MAGEA11: variants seen among roughly 807,000 people sequenced by gnomAD.
MAGEA11 encodes the protein MAGE family member A11, also known as melanoma-associated antigen 11.
A neutral mutation model predicts 8.4 loss-of-function variants in MAGEA11; 1 was observed. The observed-to-expected ratio is 0.12, with a 90% CI of 0.04 to 0.57. The LOEUF is 0.57. Among genes scored for constraint, MAGEA11 ranks in the 20% least tolerant of loss-of-function variants. The pLI is 0.91. For missense variants in MAGEA11, 209 were observed against 317.3 expected (o/e 0.66, Z 2.59); for synonymous variants, 127 against 119.3 (o/e 1.06, Z -0.42).
intron 1 of MAGEA11, among the ~76,000 whole-genome samples, chrX:149,691,528 T>A (rs1602918403): frequency 8.9e-6 from 1 of 111,991 alleles, no homozygotes; most frequent in Non-Finnish European, 1.9e-5. Flanking sequence ...TTTTTTCAAG[T>A]CTTGCTCTTT....
chrX:149,705,283 TG>T (rs1364859396), intron 1 of MAGEA11, among the ~76,000 whole-genome samples: 7 of 111,682 alleles, frequency 6.3e-5, no homozygotes, highest in African/African-American at 2.3e-4. Context: ...AATTGAATCA[TG>T]GGGGCAGTTA....
upstream of MAGEA11, among the ~76,000 whole-genome samples, chrX:149,711,607 A>G (rs1557361889): frequency 5.4e-5 from 6 of 111,819 alleles, no homozygotes; most frequent in East Asian, 1.1e-3. Flanking sequence ...TGAAAGAACC[A>G]GTAGCCAAGA....
At chrX:149,697,851 C>T (rs1292166384) in intron 1 of MAGEA11, among the ~76,000 whole-genome samples, 1 of 111,654 alleles carries the variant, frequency 9.0e-6, no homozygotes, top group Non-Finnish European at 1.9e-5. Flanking sequence ...ATGCTGTTCT[C>T]ATGATACTGA....
In MAGEA11 at chrX:149,706,207, C is replaced by A. The variant is rs782227858; in HGVS notation, c.10-8274C>A. On this transcript the variant is annotated intron_variant, in intron 1 of 3. Coordinates refer to the MAGEA11 transcript ENST00000333104. ...CCCTTTGGTAACAAGAAAGCCTTAC[C>A]CTTCCTGGCTCCTTTCCAAATCCTA... Among the ~76,000 whole-genome samples, 3 of 111,992 alleles carry A rather than the reference C, an allele frequency of 2.7e-5. No individual in the cohort carries two copies. The South Asian group carries it at 1.1e-3, about 42-fold the overall frequency.
intron 1 of MAGEA11, among the ~76,000 whole-genome samples, chrX:149,695,861 T>C (rs1557360501): frequency 8.9e-6 from 1 of 111,912 alleles, no homozygotes; most frequent in Admixed American, 9.4e-5. Context: ...TGTGGTATGA[T>C]TTTGTTGGCG....
In MAGEA11 at chrX:149,715,899, C is replaced by T; in HGVS notation, c.413C>T (p.Ala138Val). Residue 138 changes from alanine (A) to valine (V), a missense_variant, in exon 5 of 5, where the codon GCA (alanine) becomes GTA (valine). Ala to Val is a moderately conservative substitution (Grantham distance 64, BLOSUM62 0). This residue lies in a region of MAGEA11 where 131 missense variants were observed against 138.5 expected (regional missense o/e 0.95). Transcript: ENST00000355220. Reference protein sequence around the residue: ...AQEEDLGLVGAQALQAEEQEA... With the variant: ...AQEEDLGLVGVQALQAEEQEA... ...GAAGAAGACCTGGGCCTGGTGGGTG[C>T]ACAGGCTCTCCAAGCTGAGGAGCAG... is the stretch of plus-strand genomic sequence containing the variant. The T allele has an allele frequency of 1.7e-6, 2 of 1,211,543 alleles. No homozygotes were observed. Among genetic ancestry groups the T allele is most frequent in the South Asian group, 3.5e-5 (2 of 56,968 alleles).
At chrX:149,700,219 T>G (rs782219242) in intron 1 of MAGEA11, among the ~76,000 whole-genome samples, 2 of 112,292 alleles carry the variant, frequency 1.8e-5, no homozygotes, top group Non-Finnish European at 3.8e-5. Context: ...GAGATTCTTA[T>G]TTTCGTGCTT....
intron 1 of MAGEA11, among the ~76,000 whole-genome samples, chrX:149,698,334 C>A (rs1434643307): frequency 9.3e-6 from 1 of 107,842 alleles, no homozygotes; most frequent in Non-Finnish European, 1.9e-5. Context: ...TTTTTTAATT[C>A]GACTTGTCTA....
intron 1 of MAGEA11, among the ~76,000 whole-genome samples, chrX:149,706,261 G>A (rs1323400954): frequency 1.8e-5 from 2 of 111,713 alleles, no homozygotes. Context: ...CTGGGACCTG[G>A]AGGAGTATAC....
rs781883773 is a variant in MAGEA11 at position 149,716,071 on chromosome X, G to A, written c.585G>A (p.Glu195=). The A allele has an allele frequency of 1.7e-6, 2 of 1,210,218 alleles. No individual in the cohort carries two copies. The highest frequency in any genetic ancestry group is 1.1e-6 in the Non-Finnish European group (1 of 895,240). The change falls in exon 5 of 5, where the codon GAG becomes GAA. Residue 195 remains glutamate (E), a synonymous_variant. Coordinates refer to ENST00000355220, the MANE Select transcript of MAGEA11 (RefSeq NM_005366.5). ...CCATCTTTGGGAGCCTATCTGATGAGGGCTCTGGCAGCCAAGAAAAGGAGG... is the reference window on the plus strand; with the variant it reads ...CCATCTTTGGGAGCCTATCTGATGAAGGCTCTGGCAGCCAAGAAAAGGAGG... The part of the protein sequence containing the change: ...MDAIFGSLSD[E]GSGSQEKEGP...
chrX:149,703,137 T>A (rs1250397605), intron 1 of MAGEA11, among the ~76,000 whole-genome samples: 1 of 111,734 alleles, frequency 8.9e-6, no homozygotes, highest in African/African-American at 3.3e-5. Flanking sequence ...TCAGGGCTGG[T>A]CACAAATATT....
At chrX:149,711,919 C>T (rs1398305078), upstream of MAGEA11, 7 of 458,418 alleles carry the variant, frequency 1.5e-5, no homozygotes, top group East Asian at 1.4e-3. Flanking sequence ...CACTACTTTT[C>T]CCCCTGCCCC....
At chrX:149,712,055 C>T (rs1223115897), upstream of MAGEA11, 66 of 749,693 alleles carry the variant, frequency 8.8e-5, no homozygotes, top group Middle Eastern at 7.5e-4. Context: ...CCGGATGTGA[C>T]CTCCATTGGC....
chrX:149,714,309 G>A, intron 2 of MAGEA11, 172 bp from the exon 3 acceptor site: 1 of 676,185 alleles, frequency 1.5e-6, no homozygotes, highest in Admixed American at 3.9e-5. Flanking sequence ...CATCTCAGGG[G>A]TTGGGAGTCA....
upstream of MAGEA11, among the ~76,000 whole-genome samples, chrX:149,710,233 A>G (rs1195588899): frequency 8.9e-6 from 1 of 112,374 alleles, no homozygotes; most frequent in Non-Finnish European, 1.9e-5. Flanking sequence ...GAAGACTAAC[A>G]AAAGCATGTA....
Position 149,716,878 on chromosome X carries a change from C to G in MAGEA11, c.*102C>G. On this transcript the variant is annotated 3_prime_UTR_variant, in exon 5 of 5. Transcript: ENST00000355220. ...TGTCCTGTGTGAAATCAGGCCCATT[C>G]TTCCCTCTGTGTTTGATGAGAGAAG... 3 of 816,348 alleles carry G rather than the reference C, an allele frequency of 3.7e-6. No homozygotes were observed. Among genetic ancestry groups the G allele is most frequent in the Non-Finnish European group, 5.2e-6 (3 of 572,237 alleles). The allele number at this position is 816,348 out of a possible 1,213,427, so 67.3% of individuals were successfully genotyped here.
intron 1 of MAGEA11, among the ~76,000 whole-genome samples, chrX:149,698,659 C>T (rs1440631048): frequency 7.2e-5 from 8 of 111,341 alleles, no homozygotes; most frequent in African/African-American, 2.3e-4. Context: ...AGGCTTGATG[C>T]GTACCTCTTT....
chrX:149,711,548 G>A (rs2090400134), upstream of MAGEA11, among the ~76,000 whole-genome samples: 1 of 111,555 alleles, frequency 9.0e-6, no homozygotes, highest in Non-Finnish European at 1.9e-5. Context: ...GTGCAGTTGG[G>A]CAATGCTCAG....
At chrX:149,695,007 A>C (rs961265526) in intron 1 of MAGEA11, among the ~76,000 whole-genome samples, 1 of 111,933 alleles carries the variant, frequency 8.9e-6, no homozygotes, top group Admixed American at 9.5e-5. Context: ...GGCATGAGCC[A>C]CCACACCCGG....
Sources: allele counts gnomAD v4.1 joint callset (sites outside exome capture counted in the v4.1 genomes callset), GRCh38; gene constraint gnomAD v4.1.1; regional missense constraint gnomAD v4.1.1; transcripts MANE v1.5; gene names NCBI Gene and HGNC (gene_info 2026-07-23, HGNC 2026-07-21).